The following ATP9B variants were observed in gnomAD, a reference collection of about 807,000 sequenced individuals.
The protein encoded by ATP9B is ATPase phospholipid transporting 9B.
In ATP9B, 110 loss-of-function variants were observed where a neutral mutation model predicts 146.1. That is an observed-to-expected ratio of 0.75 (90% CI 0.65 to 0.88). The LOEUF is 0.88. Among genes scored for constraint, ATP9B ranks in the 40% least tolerant of loss-of-function variants. ATP9B has a pLI of 0.00. For missense variants in ATP9B, 1,499 were observed against 1,496.4 expected (o/e 1.00, Z -0.03); for synonymous variants, 604 against 569.7 (o/e 1.06, Z -0.86).
chr18:79,144,342 C>T (rs1021484567), intron 6 of ATP9B: 1 of 152,230 alleles, frequency 6.6e-6, no homozygotes, highest in African/African-American at 2.4e-5. Flanking sequence ...TAGTGGTCCC[C>T]AACCTTTTCA....
In ATP9B at chr18:79,203,321, G is replaced by C. The variant is rs537643115; in HGVS notation, c.955-3616G>C. Reference sequence around the variant, plus strand: ...GAGCAGGTACCCGATGCTTCTTAGAGGCAGGAGGGCGTAGAGGAGCAGGCA... The same window carrying C: ...GAGCAGGTACCCGATGCTTCTTAGACGCAGGAGGGCGTAGAGGAGCAGGCA... On this transcript the variant is annotated intron_variant, in intron 9 of 29. Coordinates refer to ENST00000426216, the MANE Select transcript of ATP9B (RefSeq NM_198531.5). Among the ~76,000 whole-genome samples the C allele has an allele frequency of 7.3e-5, 11 of 151,612 alleles. No homozygotes were observed. The East Asian group carries it at 2.1e-3, about 30-fold the overall frequency.
chr18:79,376,336 A>G, intron 29 of ATP9B: 1 of 985,240 alleles, frequency 1.0e-6, no homozygotes, highest in Non-Finnish European at 1.2e-6. Flanking sequence ...ATTCTGCCAC[A>G]GAGTGTTGTC....
chr18:79,253,369 T>C lies in ATP9B; in HGVS notation c.1108-12T>C. 6.2e-7 allele frequency: 1 copy of C among 1,604,740 alleles called. No homozygotes were observed. Among genetic ancestry groups the C allele is most frequent in the Non-Finnish European group, 8.5e-7 (1 of 1,177,352 alleles). On this transcript the variant is annotated splice_polypyrimidine_tract_variant and intron_variant, in intron 11 of 29. Coordinates refer to ENST00000426216, the MANE Select transcript of ATP9B (RefSeq NM_198531.5). ...GGTTAGCTTGTTCATGTATTATGTGTTTTTCTTTCAGGTTGGTTTGTTGGA... is the reference window on the plus strand; with the variant it reads ...GGTTAGCTTGTTCATGTATTATGTGCTTTTCTTTCAGGTTGGTTTGTTGGA...
intron 15 of ATP9B, among the ~76,000 whole-genome samples, chr18:79,317,087 G>A (rs976015515): frequency 3.3e-5 from 5 of 152,076 alleles, no homozygotes; most frequent in South Asian, 2.1e-4. Flanking sequence ...CTGAGTAGAC[G>A]AGAAAAGAAA....
chr18:79,129,497 C>T (rs2094342407), intron 5 of ATP9B, among the ~76,000 whole-genome samples: 1 of 152,146 alleles, frequency 6.6e-6, no homozygotes, highest in African/African-American at 2.4e-5. Context: ...TTGTTTCCTC[C>T]TCCCCCCTGC....
chr18:79,336,644 G>T lies in ATP9B; in HGVS notation c.2045G>T (p.Arg682Leu). ...CTTTTCCAGTGCGGAAACATGGCTC[G>T]CGAAGGACTGCGGACCCTCGTGGTT... is the stretch of plus-strand genomic sequence containing the variant. Reference protein sequence around the residue: ...WLEEECGNMAREGLRTLVVAK... With the variant: ...WLEEECGNMALEGLRTLVVAK... The change falls in exon 18 of 30, where the codon CGC becomes CTC. Residue 682 changes from arginine (R) to leucine (L), a missense_variant. Arg to Leu is a moderately radical substitution (Grantham distance 102). Coordinates refer to ENST00000426216, the MANE Select transcript of ATP9B (RefSeq NM_198531.5). 2 of 1,534,136 alleles carry T rather than the reference G, an allele frequency of 1.3e-6. No homozygotes were observed. Among genetic ancestry groups the T allele is most frequent in the Admixed American group, 2.0e-5 (1 of 50,490 alleles).
At chr18:79,214,059 A>T (rs750662395) in intron 11 of ATP9B, 21 bp downstream of exon 11, 41 of 1,548,492 alleles carry the variant, frequency 2.6e-5, no homozygotes, top group Non-Finnish European at 3.5e-5. Flanking sequence ...TTGAGGAGCA[A>T]CTGCTTTAAT....
intron 5 of ATP9B, among the ~76,000 whole-genome samples, chr18:79,139,572 A>G (rs1003251998): frequency 2.0e-5 from 3 of 152,118 alleles, no homozygotes; most frequent in African/African-American, 7.2e-5. Context: ...AGGTATATAT[A>G]TTTGTGGGCT....
At position 79,337,426 on chromosome 18, in the gene ATP9B, AT is replaced by A; in HGVS notation, c.2261del (p.Met754SerfsTer12). The stretch of plus-strand genomic sequence containing the variant: ...GGCAGACGTGCGGCCCACGCTGGAG[AT>A]GCTGCGCAACGCCGGGATCAAGGTA... ...LQADVRPTLE[M>X]LRNAGIKIWM... is the part of the protein sequence containing the mutation. On this transcript the variant is annotated frameshift_variant, in exon 19 of 30. Coordinates refer to ENST00000426216, the MANE Select transcript of ATP9B (RefSeq NM_198531.5). LOFTEE classifies it high-confidence loss of function. 6.2e-7 allele frequency: 1 copy of A among 1,612,452 alleles called. No individual in the cohort carries two copies. Among genetic ancestry groups the A allele is most frequent in the Non-Finnish European group, 8.5e-7 (1 of 1,179,874 alleles).
At chr18:79,311,864 C>T (rs2096654266) in intron 15 of ATP9B, among the ~76,000 whole-genome samples, 1 of 152,188 alleles carries the variant, frequency 6.6e-6, no homozygotes, top group African/African-American at 2.4e-5. Flanking sequence ...AGTACACGTT[C>T]CTCTCTGTCA....
intron 11 of ATP9B, among the ~76,000 whole-genome samples, chr18:79,236,275 G>C (rs2095840431): frequency 6.6e-6 from 1 of 152,158 alleles, no homozygotes; most frequent in Non-Finnish European, 1.5e-5. Context: ...ATCGGCATGG[G>C]TGTCTGGACG....
chr18:79,086,769 T>A (rs1225743253), intron 1 of ATP9B, among the ~76,000 whole-genome samples: 1 of 152,182 alleles, frequency 6.6e-6, no homozygotes, highest in African/African-American at 2.4e-5. Flanking sequence ...ATTTTAGAAA[T>A]CATTAGCTCC....
In ATP9B at chr18:79,337,330, G is replaced by A; in HGVS notation, c.2164G>A (p.Ala722Thr). The A allele has an allele frequency of 1.2e-6, 2 of 1,614,094 alleles. No individual in the cohort carries two copies. The highest frequency in any genetic ancestry group is 1.7e-6 in the Non-Finnish European group (2 of 1,180,022). Reference sequence around the variant, plus strand: ...CATGCACGACAGGTCCCTCAAGGTGGCCGCGGTAGTCGAGAGCCTGGAGAG... The same window carrying A: ...CATGCACGACAGGTCCCTCAAGGTGACCGCGGTAGTCGAGAGCCTGGAGAG... ...LSMHDRSLKV[A>T]AVVESLEREM... Residue 722 changes from alanine to threonine, a missense_variant, in exon 19 of 30, where the codon GCC becomes ACC. By Grantham distance (58) the Ala-to-Thr change is moderately conservative. Transcript: ENST00000426216.
chr18:79,125,755 T>G (rs2094274951), intron 4 of ATP9B, among the ~76,000 whole-genome samples: 1 of 152,208 alleles, frequency 6.6e-6, no homozygotes, highest in Admixed American at 6.5e-5. Context: ...AAAAGTGAGA[T>G]GAAAGCACTA....
At chr18:79,167,516 G>A (rs759528445) in intron 7 of ATP9B, among the ~76,000 whole-genome samples, 8 of 151,916 alleles carry the variant, frequency 5.3e-5, no homozygotes, top group Middle Eastern at 3.2e-3. Context: ...GCTTTTCTCC[G>A]CAGGCAGGTT....
In ATP9B at chr18:79,372,816, T is replaced by G. The variant is rs1256532586; in HGVS notation, c.3013-9T>G. On this transcript the variant is annotated splice_polypyrimidine_tract_variant and intron_variant, in intron 26 of 29. Transcript: ENST00000426216. ...GCGCACTAACGACGCTCTTCCACTGTTTCCCTAGGGAAGATCCTTGTCCTT... is the reference window on the plus strand; with the variant it reads ...GCGCACTAACGACGCTCTTCCACTGGTTCCCTAGGGAAGATCCTTGTCCTT... 1 of 1,600,258 alleles carries G rather than the reference T, an allele frequency of 6.2e-7. No individual in the cohort carries two copies. Among genetic ancestry groups the G allele is most frequent in the Non-Finnish European group, 8.6e-7 (1 of 1,167,436 alleles).
At chr18:79,371,254 C>T (rs1484359183) in intron 26 of ATP9B, among the ~76,000 whole-genome samples, 1 of 151,990 alleles carries the variant, frequency 6.6e-6, no homozygotes, top group Admixed American at 6.6e-5. Flanking sequence ...CGCCTATAGT[C>T]CCAGCTACTT....
chr18:79,171,694 C>G (rs1210847967), intron 7 of ATP9B, among the ~76,000 whole-genome samples: 1 of 152,162 alleles, frequency 6.6e-6, no homozygotes, highest in Admixed American at 6.5e-5. Context: ...CCAACGCAGT[C>G]AAGGTGCAGA....
At chr18:79,242,860 C>T (rs1175010831) in intron 11 of ATP9B, among the ~76,000 whole-genome samples, 2 of 152,042 alleles carry the variant, frequency 1.3e-5, no homozygotes, top group Non-Finnish European at 2.9e-5. Flanking sequence ...GCCAAGATAC[C>T]AGTAATAAAC....
Sources: allele counts gnomAD v4.1 joint callset (sites outside exome capture counted in the v4.1 genomes callset), GRCh38; gene constraint gnomAD v4.1.1; transcripts MANE v1.5; gene names NCBI Gene and HGNC (gene_info 2026-07-23, HGNC 2026-07-21).